Variants in CTNNA3 observed in about 807,000 individuals in gnomAD.
CTNNA3 encodes catenin alpha-3.
CTNNA3 carries 76 observed loss-of-function variants against 95.7 expected under a neutral mutation model. That is an observed-to-expected ratio of 0.79 (90% confidence interval 0.66 to 0.96). The LOEUF is 0.96. Among genes scored for constraint, CTNNA3 ranks in the 40% least tolerant of loss-of-function variants. The probability of loss-of-function intolerance (pLI) is 0.00; values close to 1 mark genes in which losing one functional copy is unlikely to be tolerated. For missense variants in CTNNA3, 1,191 were observed against 1,089.8 expected, an observed-to-expected ratio of 1.09 and a Z score of -1.31; for synonymous variants, 431 against 374.4, an observed-to-expected ratio of 1.15 and a Z score of -1.74.
At chr10:66,867,016 G>A (rs933921249) in intron 7 of CTNNA3, among the ~76,000 whole-genome samples, 1 of 151,982 alleles carries the variant, frequency 6.6e-6, no homozygotes, top group Non-Finnish European at 1.5e-5. Flanking sequence ...CTTTCCCTTG[G>A]CTCTCATTTT....
chr10:67,497,440 A>T (rs753767071), intron 5 of CTNNA3, among the ~76,000 whole-genome samples: 1 of 152,188 alleles, frequency 6.6e-6, no homozygotes, highest in Non-Finnish European at 1.5e-5. Flanking sequence ...TCCTTTGGGT[A>T]TATACCTAGT....
At chr10:67,759,841 A>G (rs976733591) in intron 1 of CTNNA3, among the ~76,000 whole-genome samples, 2 of 152,184 alleles carry the variant, frequency 1.3e-5, no homozygotes, top group Non-Finnish European at 1.5e-5. Context: ...TCTTACAACC[A>G]TAGGAGCTAA....
At chr10:66,245,891 C>T (rs1412498660) in intron 13 of CTNNA3, among the ~76,000 whole-genome samples, 1 of 152,236 alleles carries the variant, frequency 6.6e-6, no homozygotes, top group African/African-American at 2.4e-5. Flanking sequence ...ATCCCATTGT[C>T]TGCTCACCTC....
intron 11 of CTNNA3, among the ~76,000 whole-genome samples, chr10:66,507,710 G>A (rs1303974577): frequency 1.3e-5 from 2 of 150,594 alleles, no homozygotes; most frequent in Non-Finnish European, 3.0e-5. Context: ...ATTCTGTTGT[G>A]TATATATATA....
intron 7 of CTNNA3, among the ~76,000 whole-genome samples, chr10:67,089,415 T>G (rs946080636): frequency 5.3e-5 from 8 of 152,088 alleles, no homozygotes; most frequent in African/African-American, 1.7e-4. Flanking sequence ...ATAATTAAAA[T>G]TAATGATCCA....
chr10:66,736,996 G>A (rs1340158431), intron 9 of CTNNA3, among the ~76,000 whole-genome samples: 2 of 152,034 alleles, frequency 1.3e-5, no homozygotes, highest in Non-Finnish European at 2.9e-5. Context: ...ATGATGACTG[G>A]TAAGATTCAC....
At chr10:66,439,892 A>G (rs1294229074) in intron 11 of CTNNA3, among the ~76,000 whole-genome samples, 1 of 152,176 alleles carries the variant, frequency 6.6e-6, no homozygotes, top group Admixed American at 6.5e-5. Flanking sequence ...CTCAAAGAAA[A>G]TCTGTATTAC....
intron 7 of CTNNA3, among the ~76,000 whole-genome samples, chr10:67,134,622 C>T (rs1484485875): frequency 1.3e-5 from 2 of 152,002 alleles, no homozygotes; most frequent in Non-Finnish European, 2.9e-5. Context: ...AATCTGCATC[C>T]ATTCAGTTTT....
chr10:67,749,908 T>C (rs1841395510), intron 1 of CTNNA3, among the ~76,000 whole-genome samples: 1 of 152,136 alleles, frequency 6.6e-6, no homozygotes, highest in African/African-American at 2.4e-5. Flanking sequence ...ATAAAATAGA[T>C]AGACCGTGGG....
At chr10:66,839,845 TAC>T (rs1217272559) in intron 7 of CTNNA3, among the ~76,000 whole-genome samples, 1 of 152,166 alleles carries the variant, frequency 6.6e-6, no homozygotes, top group African/African-American at 2.4e-5. Context: ...TAATAATTTA[TAC>T]ACTTTACTCC....
intron 7 of CTNNA3, among the ~76,000 whole-genome samples, chr10:66,942,974 T>G (rs1424512009): frequency 2.0e-5 from 3 of 152,156 alleles, no homozygotes; most frequent in African/African-American, 7.2e-5. Context: ...GGCACATAGG[T>G]TGACTTTTCT....
At chr10:67,452,416 C>T (rs1431051969) in intron 5 of CTNNA3, among the ~76,000 whole-genome samples, 1 of 152,030 alleles carries the variant, frequency 6.6e-6, no homozygotes, top group Non-Finnish European at 1.5e-5. Context: ...CCAATGGTAC[C>T]TAACATCTAA....
chr10:65,971,652 G>C (rs539348539), intron 16 of CTNNA3, among the ~76,000 whole-genome samples: 1 of 151,808 alleles, frequency 6.6e-6, no homozygotes, highest in East Asian at 1.9e-4. Context: ...GACCAAAATC[G>C]AGTTCCTAAA....
chr10:67,274,169 T>G (rs1240177574), intron 5 of CTNNA3, among the ~76,000 whole-genome samples: 1 of 152,156 alleles, frequency 6.6e-6, no homozygotes, highest in Non-Finnish European at 1.5e-5. Context: ...TTCTCACAAC[T>G]GTTCTTAGTT....
intron 5 of CTNNA3, among the ~76,000 whole-genome samples, chr10:67,373,562 T>C (rs1038364422): frequency 2.0e-5 from 3 of 152,114 alleles, no homozygotes; most frequent in Non-Finnish European, 2.9e-5. Flanking sequence ...ATTAGACAGA[T>C]CCATGAGACA....
rs1016681134 is a variant in CTNNA3 at position 66,454,976 on chromosome 10, G to T, written c.1531+65641C>A. Among the ~76,000 whole-genome samples the T allele has an allele frequency of 5.3e-5, 8 of 151,972 alleles. No individual in the cohort carries two copies. The South Asian group carries it at 8.3e-4, about 16-fold the overall frequency. ...GGGGTACAAGTCTGGCCAATATTTT[G>T]GCATCAATGAAATCTGTATTAATAG... On this transcript the variant is annotated intron_variant, in intron 11 of 17. Transcript: ENST00000433211.
intron 1 of CTNNA3, among the ~76,000 whole-genome samples, chr10:67,675,643 G>A (rs1277324581): frequency 6.6e-6 from 1 of 152,100 alleles, no homozygotes; most frequent in East Asian, 1.9e-4. Flanking sequence ...GGCAAAACAA[G>A]TCATATGGCC....
intron 12 of CTNNA3, among the ~76,000 whole-genome samples, chr10:66,354,175 T>C (rs1417632702): frequency 6.6e-6 from 1 of 151,864 alleles, no homozygotes; most frequent in East Asian, 1.9e-4. Context: ...TCCCAGCTAC[T>C]TGGGAGGCTG....
At chr10:66,972,794 T>G (rs779147074) in intron 7 of CTNNA3, among the ~76,000 whole-genome samples, 1 of 142,158 alleles carries the variant, frequency 7.0e-6, no homozygotes, top group African/African-American at 2.6e-5. Flanking sequence ...CACTGCAACC[T>G]CCACCTCCTG....
Sources: gnomAD v4.1 joint callset for allele counts (sites outside exome capture counted in the v4.1 genomes callset) on GRCh38, gnomAD v4.1.1 for gene constraint, MANE v1.5 for transcripts, NCBI Gene and HGNC (gene_info 2026-07-23, HGNC 2026-07-21) for gene names.